The following MOCS1 variants were observed in gnomAD, a reference collection of about 807,000 sequenced individuals.
MOCS1 encodes molybdenum cofactor synthesis 1.
Under a neutral mutation model 57.6 loss-of-function variants are expected in MOCS1, and 39 were observed. The observed-to-expected ratio is 0.68, with a 90% CI of 0.52 to 0.88. MOCS1 has a LOEUF of 0.88. Among genes scored for constraint, MOCS1 ranks in the 40% least tolerant of loss-of-function variants. The pLI is 0.00. For synonymous variants in MOCS1, 334 were observed against 335.7 expected (o/e 1.00, Z 0.05); for missense variants, 795 against 831.1 (o/e 0.96, Z 0.53).
At chr6:39,919,064 G>C (rs1476085582) in intron 3 of MOCS1, among the ~76,000 whole-genome samples, 1 of 152,166 alleles carries the variant, frequency 6.6e-6, no homozygotes, top group East Asian at 1.9e-4. Context: ...CAAAGAATGC[G>C]AGTAGATAAA....
At position 39,904,446 on chromosome 6, in the gene MOCS1, G is replaced by A. The variant is rs188855912; in HGVS notation, c.*1911C>T. 2 of 454,598 alleles carry A rather than the reference G, an allele frequency of 4.4e-6. No homozygotes were observed. The highest frequency in any genetic ancestry group is 2.3e-5 in the Admixed American group (1 of 42,558). The allele number at this position is 454,598 out of a possible 1,614,324, so 28.2% of individuals were successfully genotyped here. On this transcript the variant is annotated 3_prime_UTR_variant, in exon 11 of 11. Coordinates refer to ENST00000340692, the MANE Select transcript of MOCS1 (RefSeq NM_001358530.2). ...CCTTAATAGGTTGTTTCTTGGTCTT[G>A]CTTTCTTCATGCCCTCCCCACTGCT...
chr6:39,933,786 C>T (rs890529685), intron 1 of MOCS1, among the ~76,000 whole-genome samples: 68 of 152,084 alleles, frequency 4.5e-4, no homozygotes, highest in African/African-American at 1.6e-3. Context: ...ATAAAAAAGA[C>T]AAGGAGAGTC....
intron 10 of MOCS1, 56 bp downstream of exon 10, chr6:39,908,999 C>G (rs749111208): frequency 6.6e-7 from 1 of 1,517,298 alleles, no homozygotes; most frequent in South Asian, 1.1e-5. Context: ...CGGCTCCCAC[C>G]CCACGAGATC....
At chr6:39,912,089 T>G (rs766616864) in intron 8 of MOCS1, among the ~76,000 whole-genome samples, 175 bp downstream of exon 8, 1 of 152,136 alleles carries the variant, frequency 6.6e-6, no homozygotes, top group African/African-American at 2.4e-5. Flanking sequence ...AGAGGGGCCA[T>G]GAGTTCACCC....
intron 3 of MOCS1, 100 bp downstream of exon 3, chr6:39,925,578 G>T: frequency 1.5e-6 from 2 of 1,363,918 alleles, no homozygotes; most frequent in Non-Finnish European, 2.1e-6. Flanking sequence ...AGAGTGTCAT[G>T]TGCTAAATGA....
At chr6:39,919,517 CAA>C (rs55990349) in intron 3 of MOCS1, among the ~76,000 whole-genome samples, 3 of 146,758 alleles carry the variant, frequency 2.0e-5, no homozygotes, top group South Asian at 2.2e-4. Context: ...AAAACAGCAA[CAA>C]AAAAAAAAAA....
rs1483879853 is a variant in MOCS1 at position 39,925,833 on chromosome 6, A to C, written c.263T>G (p.Met88Arg). ...GGTCAGCGGGACCCCCTCCTCGGGC[A>C]TGCAGTACTGACCTGAGGGAAGGAT... ...EKCNLRCQYC[M>R]PEEGVPLTPK... The change falls in exon 3 of 11, where the codon ATG (methionine) becomes AGG (arginine). Residue 88 changes from methionine (M) to arginine (R), a missense_variant. Physicochemically the swap from Met to Arg is moderately conservative, Grantham distance 91. Transcript: ENST00000340692. 6.2e-7 allele frequency: 1 copy of C among 1,612,314 alleles called. No homozygotes were observed. Among genetic ancestry groups the C allele is most frequent in the South Asian group, 1.1e-5 (1 of 91,046 alleles).
chr6:39,915,765 A>T (rs1359666110), intron 4 of MOCS1, among the ~76,000 whole-genome samples: 8 of 152,092 alleles, frequency 5.3e-5, no homozygotes, highest in Admixed American at 5.2e-4. Flanking sequence ...AACTCGGCCC[A>T]GTTTGCCACA....
chr6:39,922,724 A>C (rs58678632), intron 3 of MOCS1, among the ~76,000 whole-genome samples: 1,880 of 152,314 alleles, frequency 0.012, 17 homozygotes, highest in East Asian at 0.047. Context: ...GGTGTTCTGC[A>C]GCACCTCTCA....
At chr6:39,934,028 G>A in intron 1 of MOCS1, among the ~76,000 whole-genome samples, 1 of 152,218 alleles carries the variant, frequency 6.6e-6, no homozygotes, top group South Asian at 2.1e-4. Flanking sequence ...CTGCTTACCC[G>A]AATTTCTGGC....
chr6:39,904,269 GAA>G lies in MOCS1; in HGVS notation c.*2086_*2087del, dbSNP rs1766657463. The stretch of plus-strand genomic sequence containing the variant: ...AGAGCTCAGCCTTCTCACTCTAAAA[GAA>G]AGATATTTTTCTATTTATTTTCTAC... On this transcript the variant is annotated 3_prime_UTR_variant, in exon 11 of 11. Transcript: ENST00000340692. The G allele has an allele frequency of 2.2e-6, 1 of 456,478 alleles. No homozygotes were observed. The highest frequency in any genetic ancestry group is 2.4e-5 in the Admixed American group (1 of 42,544). The allele number at this position is 456,478 out of a possible 1,614,324, so 28.3% of individuals were successfully genotyped here.
chr6:39,930,707 G>A (rs1434176429), intron 1 of MOCS1, among the ~76,000 whole-genome samples: 2 of 152,140 alleles, frequency 1.3e-5, no homozygotes, highest in East Asian at 3.9e-4. Context: ...CCTCAGCTGT[G>A]CAGCCAGGGC....
At chr6:39,908,953 C>A in intron 10 of MOCS1, 102 bp downstream of exon 10, 1 of 967,438 alleles carries the variant, frequency 1.0e-6, no homozygotes, top group Non-Finnish European at 1.7e-6. Context: ...GATGAGAAAT[C>A]AGCATGAAAT....
chr6:39,912,411 G>C, intron 7 of MOCS1, 37 bp from the exon 8 acceptor site: 1 of 1,445,082 alleles, frequency 6.9e-7, no homozygotes, highest in Non-Finnish European at 9.7e-7. Flanking sequence ...GGGCAGTGGA[G>C]GGGATGGGCT....
intron 3 of MOCS1, among the ~76,000 whole-genome samples, chr6:39,916,748 T>C (rs1200346644): frequency 1.3e-5 from 2 of 152,162 alleles, no homozygotes; most frequent in Admixed American, 6.5e-5. Flanking sequence ...TAAAAATCCA[T>C]AATAGCATTG....
chr6:39,933,157 C>CT (rs1226404191), intron 1 of MOCS1, among the ~76,000 whole-genome samples: 4 of 152,124 alleles, frequency 2.6e-5, no homozygotes, highest in African/African-American at 9.7e-5. Flanking sequence ...CCTCACATGG[C>CT]TTAGTGAGGA....
rs200517455 is a variant in MOCS1 at position 39,925,765 on chromosome 6, C to A, written c.331G>T (p.Ala111Ser). ...LLTTEEILTLARLFVKEGIDK... is the reference protein window; with the variant it reads ...LLTTEEILTLSRLFVKEGIDK... ...ATGCCTTCCTTCACAAAGAGCCGGG[C>A]GAGGGTCAGGATCTCCTCTGTGGTC... Residue 111 changes from alanine to serine, a missense_variant, in exon 3 of 11, where the codon GCC becomes TCC. Physicochemically the swap from Ala to Ser is moderately conservative, Grantham distance 99. Transcript: ENST00000340692. The A allele has an allele frequency of 2.5e-6, 4 of 1,612,736 alleles. No individual in the cohort carries two copies. Among genetic ancestry groups the A allele is most frequent in the Non-Finnish European group, 3.4e-6 (4 of 1,179,980 alleles).
rs1768383623 is a variant in MOCS1 at position 39,927,413 on chromosome 6, G to C, written c.166C>G (p.Pro56Ala). The change falls in exon 2 of 11, where the codon CCC (proline) becomes GCC (alanine). Residue 56 changes from proline (P) to alanine (A), a missense_variant. Around this residue, in one of 3 missense-constraint regions of MOCS1, gnomAD observed 416 missense variants for 392.4 expected, o/e 1.06. Transcript: ENST00000340692. Reference sequence around the variant, plus strand: ...CTGTCTGTGAGGAAGGCGGAGAAGGGGGCCGCATGCTCCCGCAGGAACTGC... The same window carrying C: ...CTGTCTGTGAGGAAGGCGGAGAAGGCGGCCGCATGCTCCCGCAGGAACTGC... ...RRQFLREHAA[P>A]FSAFLTDSFG... 1.2e-6 allele frequency: 2 copies of C among 1,612,590 alleles called. No homozygotes were observed. The highest frequency in any genetic ancestry group is 1.7e-5 in the Admixed American group (1 of 59,946).
At chr6:39,928,167 C>CTTT (rs769365209) in intron 1 of MOCS1, among the ~76,000 whole-genome samples, 1 of 141,336 alleles carries the variant, frequency 7.1e-6, no homozygotes, top group Non-Finnish European at 1.6e-5. Context: ...ATTCCAGGTT[C>CTTT]TTTTTTTTTT....
Sources: allele counts gnomAD v4.1 joint callset (sites outside exome capture counted in the v4.1 genomes callset), GRCh38; gene constraint gnomAD v4.1.1; regional missense constraint gnomAD v4.1.1; transcripts MANE v1.5; gene names NCBI Gene and HGNC (gene_info 2026-07-23, HGNC 2026-07-21).